FOXN3: variants seen among roughly 807,000 people sequenced by gnomAD.
The protein encoded by FOXN3 is forkhead box N3.
In FOXN3, 7 loss-of-function variants were observed where a neutral mutation model predicts 38.4. That is an observed-to-expected ratio of 0.18 (90% CI 0.10 to 0.34). The LOEUF (loss-of-function observed/expected upper bound fraction) is 0.34. Ranked by LOEUF, FOXN3 falls within the 10% of genes least tolerant of loss-of-function variation. The pLI, the probability that FOXN3 is intolerant of heterozygous loss-of-function variation, is 1.00. For synonymous variants in FOXN3, 230 were observed against 242.2 expected (o/e 0.95, Z 0.47); for missense variants, 456 against 613.4 (o/e 0.74, Z 2.71).
chr14:89,529,724 A>G (rs1360926634), intron 1 of FOXN3, among the ~76,000 whole-genome samples: 2 of 152,106 alleles, frequency 1.3e-5, no homozygotes, highest in African/African-American at 4.8e-5. Flanking sequence ...TTTCCACTGG[A>G]TTATACAATG....
chr14:89,464,396 G>A (rs1011319713), intron 1 of FOXN3, among the ~76,000 whole-genome samples: 5 of 152,056 alleles, frequency 3.3e-5, no homozygotes, highest in Admixed American at 3.3e-4. Context: ...AAGCAATCCT[G>A]GTGTCATAGA....
chr14:89,266,801 C>A (rs746303571), intron 4 of FOXN3, among the ~76,000 whole-genome samples: 1 of 152,060 alleles, frequency 6.6e-6, no homozygotes, highest in African/African-American at 2.4e-5. Flanking sequence ...CCCTCCTGAC[C>A]GGCTCAATAT....
intron 1 of FOXN3, among the ~76,000 whole-genome samples, chr14:89,560,825 C>G (rs1895233838): frequency 6.6e-6 from 1 of 152,212 alleles, no homozygotes; most frequent in Non-Finnish European, 1.5e-5. Flanking sequence ...ATCTACCAGT[C>G]AGTAAACAAG....
chr14:89,312,179 G>C (rs1426053989), intron 3 of FOXN3, among the ~76,000 whole-genome samples: 1 of 150,130 alleles, frequency 6.7e-6, no homozygotes, highest in Non-Finnish European at 1.5e-5. Context: ...CAGCTACTCG[G>C]GAGGCTGAGG....
chr14:89,506,595 C>T (rs2139799421), intron 1 of FOXN3, among the ~76,000 whole-genome samples: 1 of 152,274 alleles, frequency 6.6e-6, no homozygotes, highest in East Asian at 1.9e-4. Flanking sequence ...AGGAGCCCCT[C>T]TGCCCGGCCA....
rs183571176 is a variant in FOXN3, at chr14:89,614,416, G to T, written c.-15+4612C>A. ...CCCTCTCATTATAGACTGGGCCAGG[G>T]CTCTTTCATGCTTGTGGTCAGTCAT... On this transcript the variant is annotated intron_variant, in intron 1 of 6. Transcript: ENST00000345097. Among the ~76,000 whole-genome samples, 557 of 152,252 alleles carry T rather than the reference G, an allele frequency of 3.7e-3. 3 individuals are homozygous for T. Among genetic ancestry groups the T allele is most frequent in the African/African-American group, 0.013 (544 of 41,548 alleles).
At chr14:89,286,873 C>T (rs1463894614) in intron 3 of FOXN3, among the ~76,000 whole-genome samples, 1 of 152,090 alleles carries the variant, frequency 6.6e-6, no homozygotes, top group Admixed American at 6.5e-5. Flanking sequence ...TTCAGATTCT[C>T]GGGGACACTC....
At chr14:89,223,294 G>A (rs1884527800) in intron 4 of FOXN3, 1 of 152,400 alleles carries the variant, frequency 6.6e-6, no homozygotes, top group African/African-American at 2.4e-5. Context: ...ACTAGTCCCT[G>A]GGTGGGCAGG....
intron 1 of FOXN3, among the ~76,000 whole-genome samples, chr14:89,591,784 G>C (rs772139163): frequency 5.3e-5 from 8 of 152,086 alleles, no homozygotes; most frequent in Non-Finnish European, 7.3e-5. Flanking sequence ...AATGAACCAG[G>C]AGTGGTGGCA....
rs185255215 is a variant in FOXN3 at position 89,610,424 on chromosome 14, G to A, written c.-15+8604C>T. Among the ~76,000 whole-genome samples, 53 of 152,298 alleles carry A rather than the reference G, an allele frequency of 3.5e-4. 2 individuals carry two copies. In the East Asian group the frequency reaches 9.1e-3, roughly 26 times the overall value. ...TGCCCCAGTGCGGCTGAGCTCCACC[G>A]CCCACAATGGATCTGACGGGATAAC... On this transcript the variant is annotated intron_variant, in intron 1 of 6. Coordinates refer to the FOXN3 transcript ENST00000345097.
chr14:89,415,603 C>CAAA (rs1891672932), intron 1 of FOXN3, among the ~76,000 whole-genome samples: 1 of 9,642 alleles, frequency 1.0e-4, no homozygotes, highest in Non-Finnish European at 2.2e-4. Context: ...ACAACAATAA[C>CAAA]CAAAAAAAAA....
chr14:89,508,627 G>A (rs1893997314), intron 1 of FOXN3, among the ~76,000 whole-genome samples: 1 of 152,190 alleles, frequency 6.6e-6, no homozygotes, highest in South Asian at 2.1e-4. Flanking sequence ...AGGCAATGAA[G>A]TAGACATGTT....
chr14:89,322,498 C>T (rs949076871), intron 3 of FOXN3, among the ~76,000 whole-genome samples: 1 of 151,988 alleles, frequency 6.6e-6, no homozygotes, highest in African/African-American at 2.4e-5. Flanking sequence ...TATGCTTGGG[C>T]CACACAAGGA....
chr14:89,505,043 T>C (rs1446318528), intron 1 of FOXN3, among the ~76,000 whole-genome samples: 1 of 152,112 alleles, frequency 6.6e-6, no homozygotes, highest in African/African-American at 2.4e-5. Context: ...GGATAAAGGA[T>C]TGAAAAAGAT....
At chr14:89,422,762 G>A (rs1566650986) in intron 1 of FOXN3, among the ~76,000 whole-genome samples, 1 of 152,174 alleles carries the variant, frequency 6.6e-6, no homozygotes, top group Non-Finnish European at 1.5e-5. Context: ...ATTCTGAAGG[G>A]TGGAGCCTGG....
In FOXN3 at chr14:89,350,664, T is replaced by C. The variant is rs1415845648; in HGVS notation, c.680+8A>G. On this transcript the variant is annotated splice_region_variant and intron_variant, in intron 3 of 5. Transcript: ENST00000557258. ...GTAGACCAAAAAAAAGAAGTCTGAA[T>C]TGCTTACCTTTGATATGCCTGAGGA... The C allele has an allele frequency of 5.9e-6, 9 of 1,514,060 alleles. No individual in the cohort carries two copies. The highest frequency in any genetic ancestry group is 7.9e-6 in the Non-Finnish European group (9 of 1,136,072). The allele number at this position is 1,514,060 out of a possible 1,614,324, so 93.8% of individuals were successfully genotyped here. A position where few individuals can be genotyped will look rare whatever the true frequency, so the allele number is the denominator to read the frequency against.
At position 89,536,542 on chromosome 14, in the gene FOXN3, G is replaced by A. The variant is rs549966111; in HGVS notation, c.-15+82486C>T. ...CACGCCTATAATCCCAGCACTTTGG[G>A]AGGCCGAGGCGGGCGGATCACGAGG... On this transcript the variant is annotated intron_variant, in intron 1 of 6. Coordinates refer to the FOXN3 transcript ENST00000345097. Among the ~76,000 whole-genome samples the A allele has an allele frequency of 2.9e-3, 434 of 152,196 alleles. 4 individuals are homozygous for A. Among genetic ancestry groups the A allele is most frequent in the African/African-American group, 0.01 (416 of 41,550 alleles).
At chr14:89,458,949 C>T (rs138216330) in intron 1 of FOXN3, among the ~76,000 whole-genome samples, 91 of 152,348 alleles carry the variant, frequency 6.0e-4, no homozygotes, top group African/African-American at 2.1e-3. Flanking sequence ...ACAAATTCAT[C>T]TGCAAGCTCT....
In FOXN3 at chr14:89,157,377, G is replaced by A. The variant is rs570088636; in HGVS notation, c.*5037C>T. ...ACACATTATTCATGATAAAGCAACC[G>A]AGCTGACGAGTCTGTGCTTAATTCA... is the stretch of plus-strand genomic sequence containing the variant. On this transcript the variant is annotated 3_prime_UTR_variant, in exon 6 of 6. Transcript: ENST00000557258. 2 of 152,744 alleles carry A rather than the reference G, an allele frequency of 1.3e-5. No individual in the cohort carries two copies. The highest frequency in any genetic ancestry group is 2.4e-5 in the African/African-American group (1 of 41,558). The allele number at this position is 152,744 out of a possible 1,614,324, so 9.5% of individuals were successfully genotyped here.
Sources: allele counts gnomAD v4.1 joint callset (sites outside exome capture counted in the v4.1 genomes callset), GRCh38; gene constraint gnomAD v4.1.1; transcripts MANE v1.5; gene names NCBI Gene and HGNC (gene_info 2026-07-23, HGNC 2026-07-21).